The following DCAF6 variants were observed in gnomAD, a reference collection of about 807,000 sequenced individuals.
DCAF6 encodes DDB1- and CUL4-associated factor 6.
In DCAF6, 54 loss-of-function variants were observed where a neutral mutation model predicts 125.1. That is an observed-to-expected ratio of 0.43 (90% CI 0.35 to 0.54). The LOEUF (loss-of-function observed/expected upper bound fraction) is 0.54. Among genes scored for constraint, DCAF6 ranks in the 20% least tolerant of loss-of-function variants. DCAF6 has a pLI of 0.01. For missense variants in DCAF6, 934 were observed against 1,161.7 expected, an observed-to-expected ratio of 0.80 and a Z score of 2.85; for synonymous variants, 371 against 390.4, an observed-to-expected ratio of 0.95 and a Z score of 0.58.
chr1:168,061,731 A>G (rs888234254), intron 17 of DCAF6, among the ~76,000 whole-genome samples: 7 of 152,172 alleles, frequency 4.6e-5, no homozygotes, highest in African/African-American at 1.7e-4. Context: ...TTGCTGAGTC[A>G]AAGCTTATAT....
intron 12 of DCAF6, among the ~76,000 whole-genome samples, chr1:168,027,197 A>C (rs1686444919): frequency 6.6e-6 from 1 of 152,094 alleles, no homozygotes; most frequent in Non-Finnish European, 1.5e-5. Flanking sequence ...TTGAGGAGAA[A>C]GGTTTGGGGG....
At chr1:167,891,821 A>G in the DCAF6 span, among the ~76,000 whole-genome samples, 2 of 152,154 alleles carry the variant, frequency 1.3e-5, no homozygotes, top group African/African-American at 4.8e-5. Flanking sequence ...GACAATGTGA[A>G]ACACATTTTC....
intron 12 of DCAF6, among the ~76,000 whole-genome samples, chr1:168,032,689 A>G (rs372281066): frequency 1.6e-4 from 25 of 152,240 alleles, no homozygotes; most frequent in African/African-American, 5.3e-4. Context: ...GTTATACAAT[A>G]GAAAACTCAT....
At chr1:167,915,777 A>G in the DCAF6 span, among the ~76,000 whole-genome samples, 1 of 152,234 alleles carries the variant, frequency 6.6e-6, no homozygotes, top group Non-Finnish European at 1.5e-5. Flanking sequence ...CATATCTTCA[A>G]TATTTACTGT....
intron 20 of DCAF6, among the ~76,000 whole-genome samples, chr1:168,067,558 G>A (rs1290239056): frequency 1.3e-5 from 2 of 152,212 alleles, no homozygotes; most frequent in Non-Finnish European, 2.9e-5. Flanking sequence ...CAAAGCATGA[G>A]AGGGTAAATG....
chr1:168,065,809 A>G, intron 19 of DCAF6, 63 bp downstream of exon 19: 1 of 1,444,094 alleles, frequency 6.9e-7, no homozygotes, highest in Non-Finnish European at 9.4e-7. Flanking sequence ...GTCATACAAA[A>G]TTATTCTTTT....
chr1:168,008,042 T>A (rs1455265239), intron 10 of DCAF6, among the ~76,000 whole-genome samples: 1 of 136,928 alleles, frequency 7.3e-6, no homozygotes, highest in African/African-American at 2.7e-5. Context: ...CAATCTCAGG[T>A]CACTGCAGCC....
At chr1:167,877,615 A>G in the DCAF6 span, among the ~76,000 whole-genome samples, 23,984 of 152,224 alleles carry the variant, frequency 0.16, 2,175 homozygotes, top group Middle Eastern at 0.24. Flanking sequence ...TCACAGTGTA[A>G]CAAGTGAAAA....
At chr1:168,063,502 G>A (rs796996440) in intron 17 of DCAF6, 119 bp from the exon 18 acceptor site, 15 of 786,226 alleles carry the variant, frequency 1.9e-5, no homozygotes, top group South Asian at 1.7e-4. Flanking sequence ...GGTTGGGGGT[G>A]CCTTATTGAG....
At chr1:167,962,420 G>A (rs990786286) in intron 2 of DCAF6, among the ~76,000 whole-genome samples, 2 of 151,996 alleles carry the variant, frequency 1.3e-5, no homozygotes, top group African/African-American at 2.4e-5. Context: ...TTGTCTTGGG[G>A]AAACTGACCT....
At chr1:168,013,989 T>C (rs1684635103) in intron 10 of DCAF6, among the ~76,000 whole-genome samples, 1 of 152,174 alleles carries the variant, frequency 6.6e-6, no homozygotes, top group South Asian at 2.1e-4. Context: ...TACTCTCGCC[T>C]TGGTCTCCCA....
At chr1:167,899,491 T>A in the DCAF6 span, 5 of 1,614,196 alleles carry the variant, frequency 3.1e-6, no homozygotes, top group Non-Finnish European at 4.2e-6. Context: ...TGCCAGCAGT[T>A]TGGTGACAGA....
the DCAF6 span, among the ~76,000 whole-genome samples, chr1:167,866,785 A>C: frequency 6.6e-6 from 1 of 152,118 alleles, no homozygotes; most frequent in Non-Finnish European, 1.5e-5. Context: ...ATCTTCAAAA[A>C]AAAAAAATGG....
the DCAF6 span, chr1:167,878,665 A>G: frequency 1.9e-6 from 3 of 1,604,560 alleles, no homozygotes; most frequent in Middle Eastern, 3.7e-4. Context: ...GTCAAAGATC[A>G]GGGAAATAAC....
chr1:167,985,202 T>TGTGTGG (rs1553223560), intron 4 of DCAF6, among the ~76,000 whole-genome samples: 7 of 148,304 alleles, frequency 4.7e-5, no homozygotes, highest in Non-Finnish European at 1.0e-4. Context: ...TGTGTGTGTG[T>TGTGTGG]GTGTGTGTGG....
rs769488065 is a variant in DCAF6 at position 167,936,883 on chromosome 1, C to T, written c.-29C>T. The stretch of plus-strand genomic sequence containing the variant: ...CTCCTCCCCTCCCCCACGCGGTGGT[C>T]TCCCCTCCCACCCGGCTCAGGCAGA... On this transcript the variant is annotated 5_prime_UTR_variant, in exon 1 of 22. Coordinates refer to ENST00000367840, the MANE Select transcript of DCAF6 (RefSeq NM_001198956.2). 1.6e-6 allele frequency: 2 copies of T among 1,267,736 alleles called. No homozygotes were observed. The highest frequency in any genetic ancestry group is 1.3e-5 in the South Asian group (1 of 79,438). The allele number at this position is 1,267,736 out of a possible 1,614,324, so 78.5% of individuals were successfully genotyped here.
intron 1 of DCAF6, among the ~76,000 whole-genome samples, chr1:167,943,073 AT>A (rs1672495007): frequency 6.6e-6 from 1 of 151,824 alleles, no homozygotes; most frequent in South Asian, 2.1e-4. Context: ...CGCCCGGCTA[AT>A]TTTTTTGTAT....
At chr1:167,954,297 C>G (rs938054906) in intron 2 of DCAF6, among the ~76,000 whole-genome samples, 6 of 151,566 alleles carry the variant, frequency 4.0e-5, no homozygotes, top group Non-Finnish European at 7.4e-5. Flanking sequence ...CCCACCCACT[C>G]TGTAGTTTTC....
intron 2 of DCAF6, among the ~76,000 whole-genome samples, chr1:167,963,826 C>T (rs1189464262): frequency 6.6e-6 from 1 of 152,018 alleles, no homozygotes; most frequent in African/African-American, 2.4e-5. Context: ...TAATTATTTG[C>T]CCTAAAGTTT....
Sources: allele counts gnomAD v4.1 joint callset (sites outside exome capture counted in the v4.1 genomes callset), GRCh38; gene constraint gnomAD v4.1.1; transcripts MANE v1.5; gene names NCBI Gene and HGNC (gene_info 2026-07-23, HGNC 2026-07-21).